Variants in BUB1B observed in about 807,000 individuals in gnomAD.
The protein encoded by BUB1B is BUB1 mitotic checkpoint serine/threonine kinase B.
Under a neutral mutation model 137.7 loss-of-function variants are expected in BUB1B, and 86 were observed. The observed-to-expected ratio is 0.62, with a 90% CI of 0.52 to 0.75. The LOEUF (loss-of-function observed/expected upper bound fraction) is 0.75. Among genes scored for constraint, BUB1B ranks in the 30% least tolerant of loss-of-function variants. The pLI, the probability that BUB1B is intolerant of heterozygous loss-of-function variation, is 0.00. For missense variants in BUB1B, 1,130 were observed against 1,236.9 expected (o/e 0.91, Z 1.30); for synonymous variants, 420 against 417.9 (o/e 1.00, Z -0.06).
chr15:40,161,974 A>T (rs890978653), intron 1 of BUB1B, among the ~76,000 whole-genome samples: 1 of 152,164 alleles, frequency 6.6e-6, no homozygotes, highest in African/African-American at 2.4e-5. Context: ...CTCAACCCTC[A>T]TGAAGCTTAA....
chr15:40,203,342 A>G (rs530755249), intron 14 of BUB1B, among the ~76,000 whole-genome samples: 2 of 152,332 alleles, frequency 1.3e-5, no homozygotes, highest in South Asian at 4.1e-4. Flanking sequence ...TGAAATATCC[A>G]GAATAGGCAA....
chr15:40,208,375 T>C (rs942259509), intron 15 of BUB1B, among the ~76,000 whole-genome samples: 1 of 151,910 alleles, frequency 6.6e-6, no homozygotes, highest in Non-Finnish European at 1.5e-5. Flanking sequence ...CTGTCTCTAC[T>C]AAAAATACAA....
intron 8 of BUB1B, among the ~76,000 whole-genome samples, chr15:40,190,537 C>A (rs1366618931): frequency 6.6e-6 from 1 of 152,096 alleles, no homozygotes; most frequent in Non-Finnish European, 1.5e-5. Context: ...TTGTTTGTGC[C>A]CAGGAGTCTA....
intron 4 of BUB1B, among the ~76,000 whole-genome samples, chr15:40,171,395 A>G (rs896229363): frequency 6.6e-6 from 1 of 152,052 alleles, no homozygotes; most frequent in African/African-American, 2.4e-5. Flanking sequence ...AAAGTACAGA[A>G]ATTAACCAGG....
At chr15:40,171,302 C>T (rs2037160081) in intron 4 of BUB1B, among the ~76,000 whole-genome samples, 1 of 152,126 alleles carries the variant, frequency 6.6e-6, no homozygotes, top group Admixed American at 6.5e-5. Context: ...AGTCCCAACA[C>T]TTTGAGAGGC....
chr15:40,166,096 G>T (rs1018247841), intron 2 of BUB1B, among the ~76,000 whole-genome samples: 2 of 152,070 alleles, frequency 1.3e-5, no homozygotes. Flanking sequence ...CAAGTGATCC[G>T]CCCACCTTGG....
intron 8 of BUB1B, 55 bp downstream of exon 8, chr15:40,185,697 C>T: frequency 1.3e-6 from 2 of 1,512,552 alleles, no homozygotes; most frequent in South Asian, 1.1e-5. Flanking sequence ...TGGGCAGAGG[C>T]ACCTATTCTA....
chr15:40,186,738 C>T (rs970706702), intron 8 of BUB1B, among the ~76,000 whole-genome samples: 2 of 151,914 alleles, frequency 1.3e-5, no homozygotes, highest in Admixed American at 6.6e-5. Flanking sequence ...AGCCACTGCG[C>T]CCAGCCCTAG....
At chr15:40,193,468 C>CTTTTTTTTTTTTTTTTTT (rs555918648) in intron 8 of BUB1B, among the ~76,000 whole-genome samples, 1 of 79,714 alleles carries the variant, frequency 1.3e-5, no homozygotes, top group Non-Finnish European at 2.4e-5. Context: ...CTTATTACCA[C>CTTTTTTTTTTTTTTTTTT]TTTTTTTTTT....
intron 10 of BUB1B, 108 bp downstream of exon 10, chr15:40,199,835 G>T: frequency 1.1e-6 from 1 of 900,838 alleles, no homozygotes; most frequent in South Asian, 1.5e-5. Context: ...AGAGTTTCTG[G>T]TAGTTTCTTA....
At chr15:40,170,154 A>T in intron 3 of BUB1B, 33 bp downstream of exon 3, 1 of 1,578,022 alleles carries the variant, frequency 6.3e-7, no homozygotes, top group Non-Finnish European at 8.7e-7. Context: ...GACAATAGAA[A>T]CATTAACAGA....
At chr15:40,187,936 T>A (rs990242441) in intron 8 of BUB1B, among the ~76,000 whole-genome samples, 1 of 152,216 alleles carries the variant, frequency 6.6e-6, no homozygotes, top group African/African-American at 2.4e-5. Flanking sequence ...GAAAATCCTA[T>A]GAGCCTTTAT....
intron 18 of BUB1B, among the ~76,000 whole-genome samples, chr15:40,212,163 C>T (rs1452537961): frequency 1.3e-5 from 2 of 152,228 alleles, no homozygotes; most frequent in African/African-American, 4.8e-5. Context: ...GATTCAATCA[C>T]TCCTGTCTTA....
intron 4 of BUB1B, 46 bp from the exon 5 acceptor site, chr15:40,176,431 C>A: frequency 6.4e-7 from 1 of 1,553,982 alleles, no homozygotes; most frequent in Non-Finnish European, 8.9e-7. Context: ...AATAGGCATT[C>A]AATACGTGAG....
intron 20 of BUB1B, among the ~76,000 whole-genome samples, chr15:40,215,699 G>A (rs1566829333): frequency 6.6e-6 from 1 of 152,270 alleles, no homozygotes; most frequent in East Asian, 1.9e-4. Flanking sequence ...AACCCGGGAG[G>A]CAGAGCTTGC....
intron 8 of BUB1B, among the ~76,000 whole-genome samples, chr15:40,191,684 T>G (rs1278829014): frequency 1.3e-5 from 2 of 152,220 alleles, no homozygotes; most frequent in Non-Finnish European, 2.9e-5. Flanking sequence ...TTCATTTTTC[T>G]TCATGTGGAT....
chr15:40,214,057 G>T (rs533705879), intron 20 of BUB1B, among the ~76,000 whole-genome samples: 1 of 152,290 alleles, frequency 6.6e-6, no homozygotes, highest in Admixed American at 6.5e-5. Context: ...ATATTTTGAG[G>T]AATATAAAGT....
In BUB1B at chr15:40,206,384, T is replaced by G. The variant is rs2037637154; in HGVS notation, c.1935T>G (p.Asp645Glu). The G allele has an allele frequency of 6.2e-7, 1 of 1,614,204 alleles. No individual in the cohort carries two copies. Among genetic ancestry groups the G allele is most frequent in the Non-Finnish European group, 8.5e-7 (1 of 1,180,034 alleles). Residue 645 changes from aspartate to glutamate, a missense_variant, in exon 15 of 23, where the codon GAT becomes GAG. Transcript: ENST00000287598. ...GACTGTTACCGGAAGAAGATCTAGA[T>G]GTAAAGACCTCTGAGGACCAGCAGA... is the stretch of plus-strand genomic sequence containing the variant. ...PERLLPEEDL[D>E]VKTSEDQQTA...
intron 9 of BUB1B, among the ~76,000 whole-genome samples, chr15:40,198,059 C>T (rs776711900): frequency 1.5e-4 from 23 of 151,928 alleles, no homozygotes; most frequent in African/African-American, 5.1e-4. Flanking sequence ...GTAATCCCAG[C>T]ACTTTGGGAA....
Sources: gnomAD v4.1 joint callset for allele counts (sites outside exome capture counted in the v4.1 genomes callset) on GRCh38, gnomAD v4.1.1 for gene constraint, MANE v1.5 for transcripts, NCBI Gene and HGNC (gene_info 2026-07-23, HGNC 2026-07-21) for gene names.